TET2: variants seen among roughly 807,000 people sequenced by gnomAD.
TET2 encodes methylcytosine dioxygenase TET2.
Under a neutral mutation model 142.9 loss-of-function variants are expected in TET2, and 299 were observed. That is an observed-to-expected ratio of 2.09 (90% confidence interval 1.90 to 2.30). TET2 has a LOEUF of 2.30. Among genes scored for constraint, TET2 ranks in the 30% most tolerant of loss-of-function variants. TET2 has a pLI of 0.00. For missense variants in TET2, 2,418 were observed against 2,378.0 expected, an observed-to-expected ratio of 1.02 and a Z score of -0.35; for synonymous variants, 819 against 849.0, an observed-to-expected ratio of 0.96 and a Z score of 0.61.
chr4:105,152,518 A>G (rs1463198612), intron 1 of TET2, among the ~76,000 whole-genome samples: 3 of 151,860 alleles, frequency 2.0e-5, no homozygotes, highest in South Asian at 2.1e-4. Context: ...ATGATATAGA[A>G]CTAGTGAAAA....
intron 2 of TET2, among the ~76,000 whole-genome samples, chr4:105,232,133 C>T (rs909946078): frequency 6.6e-6 from 1 of 151,950 alleles, no homozygotes; most frequent in Non-Finnish European, 1.5e-5. Flanking sequence ...TTTTCTGTTC[C>T]TTTGTTAGTT....
At position 105,272,618 on chromosome 4, in the gene TET2, G is replaced by A; in HGVS notation, c.4237G>A (p.Glu1413Lys). ...AGAATTTGGAGGAAAACCTGAGGATGAGCAGCTTCACGTTCTGCCTTTATA... is the reference window on the plus strand; with the variant it reads ...AGAATTTGGAGGAAAACCTGAGGATAAGCAGCTTCACGTTCTGCCTTTATA... ...NREFGGKPED[E>K]QLHVLPLYKV... Residue 1413 changes from glutamate (E) to lysine (K), a missense_variant, in exon 10 of 11, where the codon GAG (glutamate) becomes AAG (lysine). Physicochemically the swap from Glu to Lys is moderately conservative, Grantham distance 56. Transcript: ENST00000380013. 1 of 1,550,520 alleles carries A rather than the reference G, an allele frequency of 6.4e-7. No homozygotes were observed. The highest frequency in any genetic ancestry group is 8.7e-7 in the Non-Finnish European group (1 of 1,146,664).
intron 2 of TET2, among the ~76,000 whole-genome samples, chr4:105,205,024 T>C (rs1434602679): frequency 1.3e-5 from 2 of 152,200 alleles, no homozygotes; most frequent in Non-Finnish European, 2.9e-5. Context: ...CTTAATTGTT[T>C]TTATTTTGTT....
intron 2 of TET2, among the ~76,000 whole-genome samples, 190 bp from the exon 3 acceptor site, chr4:105,233,702 GAAGAC>G (rs1377610249): frequency 1.3e-5 from 2 of 152,252 alleles, no homozygotes; most frequent in East Asian, 3.9e-4. Context: ...GAGTTGCTAT[GAAGAC>G]AAGAATGTTT....
intron 1 of TET2, among the ~76,000 whole-genome samples, chr4:105,186,425 A>T (rs1315036682): frequency 6.7e-6 from 1 of 149,806 alleles, no homozygotes; most frequent in Non-Finnish European, 1.5e-5. Flanking sequence ...TCAATGTATC[A>T]TGGCAGAAGG....
chr4:105,147,371 GTTTC>G (rs1560704282), intron 1 of TET2: 2 of 152,156 alleles, frequency 1.3e-5, no homozygotes, highest in African/African-American at 4.8e-5. Flanking sequence ...CTCTTCCCCT[GTTTC>G]TTTCGTGTAA....
intron 2 of TET2, among the ~76,000 whole-genome samples, chr4:105,213,642 A>G (rs1373906608): frequency 2.0e-5 from 3 of 152,234 alleles, no homozygotes; most frequent in African/African-American, 7.2e-5. Context: ...AAGTGAAGAC[A>G]TTCTAAAAAT....
intron 1 of TET2, among the ~76,000 whole-genome samples, chr4:105,174,928 G>T (rs535469653): frequency 1.3e-5 from 2 of 152,146 alleles, no homozygotes; most frequent in Admixed American, 6.5e-5. Flanking sequence ...CCCCCTTTTA[G>T]CTTTCCACAT....
At chr4:105,216,371 A>G (rs1727494193) in intron 2 of TET2, among the ~76,000 whole-genome samples, 1 of 152,080 alleles carries the variant, frequency 6.6e-6, no homozygotes, top group Admixed American at 6.6e-5. Flanking sequence ...TAACAGTTCT[A>G]TAATCTTTGT....
At chr4:105,269,225 C>A (rs1255104196) in intron 8 of TET2, among the ~76,000 whole-genome samples, 1 of 151,982 alleles carries the variant, frequency 6.6e-6, no homozygotes. Context: ...AAAATTAACT[C>A]CAAATAAATC....
intron 1 of TET2, among the ~76,000 whole-genome samples, chr4:105,174,346 C>T (rs1182594516): frequency 3.3e-5 from 5 of 151,922 alleles, no homozygotes; most frequent in African/African-American, 1.2e-4. Context: ...AATAGAAGAT[C>T]GATATTTTTC....
chr4:105,158,823 G>A (rs1180256852), intron 1 of TET2, among the ~76,000 whole-genome samples: 1 of 150,780 alleles, frequency 6.6e-6, no homozygotes, highest in East Asian at 1.9e-4. Flanking sequence ...AAAAAAAAAA[G>A]AAAGAAAAGA....
intron 1 of TET2, among the ~76,000 whole-genome samples, chr4:105,154,173 G>A (rs1177709491): frequency 1.3e-5 from 2 of 152,164 alleles, no homozygotes; most frequent in African/African-American, 4.8e-5. Context: ...GATTTCTTTT[G>A]GTGATGATGA....
intron 2 of TET2, among the ~76,000 whole-genome samples, chr4:105,226,609 C>A (rs1027774296): frequency 6.6e-6 from 1 of 150,992 alleles, no homozygotes; most frequent in African/African-American, 2.4e-5. Context: ...TTCCCTCCCT[C>A]TCTCCTTCCC....
At chr4:105,174,735 G>T (rs1169193504) in intron 1 of TET2, among the ~76,000 whole-genome samples, 1 of 152,196 alleles carries the variant, frequency 6.6e-6, no homozygotes, top group African/African-American at 2.4e-5. Flanking sequence ...CTCCAGGAGT[G>T]TTCACAGTGA....
chr4:105,202,339 G>A (rs1220240356), intron 2 of TET2: 1 of 151,656 alleles, frequency 6.6e-6, no homozygotes, highest in Non-Finnish European at 1.5e-5. Context: ...TTTTTTTCTA[G>A]CCCTCACCTT....
At chr4:105,252,728 A>G (rs1212612767) in intron 6 of TET2, among the ~76,000 whole-genome samples, 4 of 152,118 alleles carry the variant, frequency 2.6e-5, no homozygotes. Context: ...AAGGTCATCT[A>G]TATGTTCTGT....
intron 1 of TET2, among the ~76,000 whole-genome samples, chr4:105,159,956 A>C (rs565611388): frequency 2.6e-5 from 4 of 152,122 alleles, no homozygotes; most frequent in Admixed American, 1.3e-4. Flanking sequence ...GTGAGCCGAG[A>C]TCGCGCCACT....
At chr4:105,220,193 A>G (rs902306089) in intron 2 of TET2, among the ~76,000 whole-genome samples, 1 of 152,184 alleles carries the variant, frequency 6.6e-6, no homozygotes, top group Non-Finnish European at 1.5e-5. Flanking sequence ...TAAAGTTCTT[A>G]TATATTATTA....
Sources: gnomAD v4.1 joint callset for allele counts (sites outside exome capture counted in the v4.1 genomes callset) on GRCh38, gnomAD v4.1.1 for gene constraint, MANE v1.5 for transcripts, NCBI Gene and HGNC (gene_info 2026-07-23, HGNC 2026-07-21) for gene names.